SLC24A3: variants seen among roughly 807,000 people sequenced by gnomAD.
The protein encoded by SLC24A3 is solute carrier family 24 member 3.
SLC24A3 carries 28 observed loss-of-function variants against 75.8 expected under a neutral mutation model. The observed-to-expected ratio is 0.37, with a 90% CI of 0.27 to 0.51. SLC24A3 has a LOEUF of 0.51. SLC24A3 is among the 20% of genes least tolerant of loss of function. SLC24A3 has a pLI of 0.94. For synonymous variants in SLC24A3, 372 were observed against 334.1 expected, an observed-to-expected ratio of 1.11 and a Z score of -1.24; for missense variants, 663 against 847.8, an observed-to-expected ratio of 0.78 and a Z score of 2.71.
chr20:19,463,882 A>G (rs1407771650), intron 2 of SLC24A3, among the ~76,000 whole-genome samples: 2 of 152,254 alleles, frequency 1.3e-5, no homozygotes, highest in East Asian at 3.9e-4. Flanking sequence ...CTTTCCCAAG[A>G]TTGCTGGGGG....
At chr20:19,693,600 C>T (rs762190213) in intron 13 of SLC24A3, 175 bp downstream of exon 13, 39 of 723,132 alleles carry the variant, frequency 5.4e-5, no homozygotes, top group Non-Finnish European at 7.4e-5. Flanking sequence ...TTCTCCTGCT[C>T]ACACGTCTTC....
At chr20:19,590,850 G>A (rs1335259395) in intron 6 of SLC24A3, among the ~76,000 whole-genome samples, 1 of 152,194 alleles carries the variant, frequency 6.6e-6, no homozygotes, top group East Asian at 1.9e-4. Flanking sequence ...ACCTGCTTCA[G>A]CTCCATCTGC....
At chr20:19,398,670 A>G (rs1051176271) in intron 2 of SLC24A3, among the ~76,000 whole-genome samples, 1 of 152,116 alleles carries the variant, frequency 6.6e-6, no homozygotes, top group African/African-American at 2.4e-5. Context: ...AAGACATTTT[A>G]TTTATTTTTC....
intron 1 of SLC24A3, among the ~76,000 whole-genome samples, chr20:19,240,830 G>T (rs535127211): frequency 1.3e-4 from 20 of 152,192 alleles, no homozygotes; most frequent in Non-Finnish European, 2.9e-4. Flanking sequence ...CTAGCCCCTG[G>T]CTGCCCCTCG....
chr20:19,592,999 T>C (rs1423753172), intron 6 of SLC24A3, among the ~76,000 whole-genome samples: 1 of 152,120 alleles, frequency 6.6e-6, no homozygotes, highest in African/African-American at 2.4e-5. Flanking sequence ...TTTCGCCATG[T>C]TAGTCAGGCT....
chr20:19,221,577 T>G (rs370396842), intron 1 of SLC24A3, among the ~76,000 whole-genome samples: 30 of 152,316 alleles, frequency 2.0e-4, no homozygotes, highest in African/African-American at 7.2e-4. Flanking sequence ...TCCTTCTACC[T>G]CTACACTTAG....
intron 2 of SLC24A3, among the ~76,000 whole-genome samples, chr20:19,513,736 T>TTAAAAA (rs1555797242): frequency 1.6e-5 from 2 of 123,254 alleles, no homozygotes; most frequent in Non-Finnish European, 3.5e-5. Context: ...GCTTTTTTTT[T>TTAAAAA]AGAAAAAAAA....
intron 3 of SLC24A3, among the ~76,000 whole-genome samples, chr20:19,546,800 G>A (rs1396365309): frequency 4.6e-5 from 7 of 152,196 alleles, no homozygotes; most frequent in Non-Finnish European, 8.8e-5. Flanking sequence ...GCCTCCAGGA[G>A]GGGCAGCTCT....
chr20:19,620,497 C>G (rs1475713628), intron 6 of SLC24A3, among the ~76,000 whole-genome samples: 2 of 152,184 alleles, frequency 1.3e-5, no homozygotes, highest in African/African-American at 4.8e-5. Flanking sequence ...CCTTGCCAGA[C>G]CCTCAGCAGT....
At chr20:19,382,122 G>A (rs1986192772) in intron 2 of SLC24A3, among the ~76,000 whole-genome samples, 1 of 152,208 alleles carries the variant, frequency 6.6e-6, no homozygotes, top group Admixed American at 6.5e-5. Context: ...TCTTCAGGGT[G>A]TCAGCGTCTT....
At chr20:19,246,915 A>G (rs1982506015) in intron 1 of SLC24A3, among the ~76,000 whole-genome samples, 1 of 151,888 alleles carries the variant, frequency 6.6e-6, no homozygotes. Context: ...AAATATAATT[A>G]TCAATTAAGA....
rs1982697020 is a variant in SLC24A3, at chr20:19,252,646, G to GT, written c.143-28313_143-28312insT. On this transcript the variant is annotated intron_variant, in intron 1 of 16. Transcript: ENST00000328041. ...AAAAAGCCTGAAATTGGAATGGCGGGGGGGGGTGCCTGTTCCAGAAACTCC... is the reference window on the plus strand; with the variant it reads ...AAAAAGCCTGAAATTGGAATGGCGGGTGGGGGGTGCCTGTTCCAGAAACTCC... 5.4e-5 allele frequency among the ~76,000 whole-genome samples: 8 copies of GT among 149,110 alleles called. 2 individuals are homozygous for GT. In the South Asian group the frequency reaches 1.7e-3, roughly 32 times the overall value.
At chr20:19,652,929 T>C (rs993101414) in intron 6 of SLC24A3, among the ~76,000 whole-genome samples, 2 of 152,088 alleles carry the variant, frequency 1.3e-5, no homozygotes, top group Admixed American at 6.5e-5. Flanking sequence ...AGGGCAAAGG[T>C]AGCCAGGCAA....
At chr20:19,474,979 T>C (rs569609973) in intron 2 of SLC24A3, among the ~76,000 whole-genome samples, 52 of 152,266 alleles carry the variant, frequency 3.4e-4, no homozygotes, top group Non-Finnish European at 6.3e-4. Context: ...TCTTCTGATA[T>C]GAAAAAGGCT....
In SLC24A3 at chr20:19,431,564, C is replaced by G. The variant is rs1371762982; in HGVS notation, c.272-83924C>G. On this transcript the variant is annotated intron_variant, in intron 2 of 16. Coordinates refer to ENST00000328041, the MANE Select transcript of SLC24A3 (RefSeq NM_020689.4). ...TGCCTGTCGCCAGCCAGATAAGCAC[C>G]CAGAGCCTCCCCTCCCAGCTGCCTT... Among the ~76,000 whole-genome samples the G allele has an allele frequency of 2.0e-5, 3 of 152,094 alleles. No homozygotes were observed. The East Asian group carries it at 5.9e-4, about 30-fold the overall frequency.
intron 2 of SLC24A3, among the ~76,000 whole-genome samples, chr20:19,505,235 C>T (rs572923558): frequency 2.0e-5 from 3 of 152,292 alleles, no homozygotes; most frequent in South Asian, 2.1e-4. Context: ...GTTGGATCAA[C>T]TTCAGCATCA....
intron 6 of SLC24A3, among the ~76,000 whole-genome samples, chr20:19,628,731 A>G (rs550520501): frequency 1.3e-5 from 2 of 152,184 alleles, no homozygotes; most frequent in South Asian, 4.2e-4. Flanking sequence ...AGCATCACAG[A>G]CAGACACCAG....
chr20:19,334,725 G>A (rs1388068898), intron 2 of SLC24A3, among the ~76,000 whole-genome samples: 2 of 152,176 alleles, frequency 1.3e-5, no homozygotes, highest in Non-Finnish European at 2.9e-5. Flanking sequence ...GCACCTCTGG[G>A]AGCCTCTGTA....
In SLC24A3 at chr20:19,721,623, G is replaced by T. The variant is rs111588096; in HGVS notation, c.*483G>T. ...GATGATGCCTAGGTTACTGGGTTTGGGGGGATTGTTTTCTTTTGGGGGCCT... is the reference window on the plus strand; with the variant it reads ...GATGATGCCTAGGTTACTGGGTTTGTGGGGATTGTTTTCTTTTGGGGGCCT... On this transcript the variant is annotated 3_prime_UTR_variant, in exon 17 of 17. Coordinates refer to ENST00000328041, the MANE Select transcript of SLC24A3 (RefSeq NM_020689.4). The T allele has an allele frequency of 4.2e-3, 650 of 154,510 alleles. 2 individuals carry two copies. The highest frequency in any genetic ancestry group is 0.027 in the Middle Eastern group (8 of 300). The allele number at this position is 154,510 out of a possible 1,614,324, so 9.6% of individuals were successfully genotyped here.
Sources: allele counts gnomAD v4.1 joint callset (sites outside exome capture counted in the v4.1 genomes callset), GRCh38; gene constraint gnomAD v4.1.1; transcripts MANE v1.5; gene names NCBI Gene and HGNC (gene_info 2026-07-23, HGNC 2026-07-21).